Variants in SLC4A4 observed in about 807,000 individuals in gnomAD.
SLC4A4 encodes the protein solute carrier family 4 member 4.
SLC4A4 carries 27 observed loss-of-function variants against 111.5 expected under a neutral mutation model. The observed-to-expected ratio is 0.24, with a 90% CI of 0.18 to 0.33. The LOEUF is 0.33. Ranked by LOEUF, SLC4A4 falls within the 10% of genes least tolerant of loss-of-function variation. SLC4A4 has a pLI of 1.00. For missense variants in SLC4A4, 909 were observed against 1,315.5 expected (o/e 0.69, Z 4.78); for synonymous variants, 443 against 463.4 (o/e 0.96, Z 0.57).
chr4:71,402,107 G>A (rs933922083), intron 7 of SLC4A4, among the ~76,000 whole-genome samples: 2 of 152,118 alleles, frequency 1.3e-5, no homozygotes, highest in Non-Finnish European at 2.9e-5. Context: ...TGTGTTTGAA[G>A]TCTTGGTCTT....
chr4:71,496,048 C>A (rs1313665373), intron 15 of SLC4A4, among the ~76,000 whole-genome samples: 1 of 151,978 alleles, frequency 6.6e-6, no homozygotes, highest in Non-Finnish European at 1.5e-5. Flanking sequence ...AGTATAAGGG[C>A]GATCTGTGCA....
chr4:71,249,682 A>G (rs904569593), intron 2 of SLC4A4, among the ~76,000 whole-genome samples: 9 of 152,088 alleles, frequency 5.9e-5, no homozygotes, highest in African/African-American at 1.9e-4. Flanking sequence ...TGAGGTCAGG[A>G]GTTCAAAACC....
chr4:71,242,570 C>T (rs1339683305), intron 2 of SLC4A4, among the ~76,000 whole-genome samples: 1 of 152,130 alleles, frequency 6.6e-6, no homozygotes, highest in Non-Finnish European at 1.5e-5. Flanking sequence ...ACAGCAATTG[C>T]TGCTGTACCT....
intron 2 of SLC4A4, among the ~76,000 whole-genome samples, chr4:71,249,508 A>G (rs1294563501): frequency 1.3e-5 from 2 of 152,158 alleles, no homozygotes; most frequent in Non-Finnish European, 2.9e-5. Context: ...TATTTATACC[A>G]GTAAATTAGC....
At chr4:71,227,755 T>C (rs1298211098) in intron 1 of SLC4A4, among the ~76,000 whole-genome samples, 1 of 152,178 alleles carries the variant, frequency 6.6e-6, no homozygotes, top group African/African-American at 2.4e-5. Flanking sequence ...GCCCAGCCAT[T>C]TCATCTTGCC....
intron 7 of SLC4A4, among the ~76,000 whole-genome samples, chr4:71,413,958 A>T (rs1187050829): frequency 6.6e-6 from 1 of 151,860 alleles, no homozygotes; most frequent in Non-Finnish European, 1.5e-5. Flanking sequence ...TTCAATATGA[A>T]CTCTGTTTAG....
chr4:71,225,514 G>C (rs1718990280), intron 1 of SLC4A4, among the ~76,000 whole-genome samples: 1 of 152,196 alleles, frequency 6.6e-6, no homozygotes, highest in Non-Finnish European at 1.5e-5. Flanking sequence ...TTAGCACACT[G>C]ACTGACATGT....
intron 2 of SLC4A4, among the ~76,000 whole-genome samples, chr4:71,249,287 C>A (rs1225098751): frequency 6.6e-6 from 1 of 152,058 alleles, no homozygotes; most frequent in Non-Finnish European, 1.5e-5. Context: ...ATTATCTATA[C>A]ATAAATGACA....
chr4:71,491,634 G>A (rs1025028854), intron 15 of SLC4A4, among the ~76,000 whole-genome samples: 10 of 151,720 alleles, frequency 6.6e-5, no homozygotes, highest in Admixed American at 2.0e-4. Context: ...CTGAGCTGCC[G>A]GGATAGGCTC....
intron 3 of SLC4A4, among the ~76,000 whole-genome samples, chr4:71,321,068 T>G (rs1464341231): frequency 6.6e-6 from 1 of 152,034 alleles, no homozygotes; most frequent in Admixed American, 6.6e-5. Flanking sequence ...TCTTTACTTT[T>G]GTCAGTATTA....
intron 3 of SLC4A4, among the ~76,000 whole-genome samples, chr4:71,263,474 AT>A (rs967011799): frequency 1.3e-5 from 2 of 152,196 alleles, no homozygotes; most frequent in Non-Finnish European, 2.9e-5. Context: ...CTGCAATAGC[AT>A]ATTTGTTGAG....
chr4:71,085,086 T>G (rs1259795169), intron 1 of SLC4A4, among the ~76,000 whole-genome samples: 1 of 152,114 alleles, frequency 6.6e-6, no homozygotes, highest in Non-Finnish European at 1.5e-5. Context: ...GACTTTTTAA[T>G]GATTGCCATT....
chr4:71,487,378 G>A (rs779097373), intron 15 of SLC4A4, among the ~76,000 whole-genome samples: 31 of 151,570 alleles, frequency 2.0e-4, no homozygotes, highest in Non-Finnish European at 3.5e-4. Flanking sequence ...TCTGTTTCTC[G>A]TATGGTTAAG....
At chr4:71,077,595 G>C (rs144463786) in intron 1 of SLC4A4, among the ~76,000 whole-genome samples, 1 of 152,292 alleles carries the variant, frequency 6.6e-6, no homozygotes, top group African/African-American at 2.4e-5. Context: ...CCAGCTACTT[G>C]CTATACCCAT....
intron 17 of SLC4A4, 131 bp from the exon 18 acceptor site, chr4:71,534,096 C>A: frequency 2.6e-6 from 2 of 762,994 alleles, no homozygotes; most frequent in Non-Finnish European, 2.3e-6. Context: ...CATTCTCTAG[C>A]TCATAACTGT....
chr4:71,438,924 G>A (rs987852667), intron 7 of SLC4A4, among the ~76,000 whole-genome samples: 2 of 151,500 alleles, frequency 1.3e-5, no homozygotes, highest in Admixed American at 1.3e-4. Context: ...AAATTTGATG[G>A]AATCTTTTCA....
chr4:71,297,495 C>T (rs1430993273), intron 3 of SLC4A4, among the ~76,000 whole-genome samples: 1 of 141,504 alleles, frequency 7.1e-6, no homozygotes, highest in Non-Finnish European at 1.5e-5. Context: ...TGGCTTGATA[C>T]ACACACACAG....
chr4:71,515,190 T>C (rs1732268442), intron 16 of SLC4A4, among the ~76,000 whole-genome samples: 1 of 152,058 alleles, frequency 6.6e-6, no homozygotes, highest in East Asian at 1.9e-4. Context: ...TTTCAGTTGT[T>C]TCAAGAATTT....
intron 1 of SLC4A4, among the ~76,000 whole-genome samples, chr4:71,082,270 C>T (rs111831160): frequency 0.014 from 2,171 of 152,056 alleles, 86 homozygotes; most frequent in African/African-American, 0.05. Context: ...CCAACCTAGC[C>T]GAAGCACTCT....
Sources: gnomAD v4.1 joint callset for allele counts (sites outside exome capture counted in the v4.1 genomes callset) on GRCh38, gnomAD v4.1.1 for gene constraint, MANE v1.5 for transcripts, NCBI Gene and HGNC (gene_info 2026-07-23, HGNC 2026-07-21) for gene names.